The following GYPE variants were observed in gnomAD, a reference collection of about 807,000 sequenced individuals.
GYPE encodes the protein glycophorin-E.
In GYPE, 8 loss-of-function variants were observed where a neutral mutation model predicts 11.6. That is an observed-to-expected ratio of 0.69 (90% CI 0.41 to 1.25). GYPE has a LOEUF of 1.25. Ranked by LOEUF, GYPE falls within the 50% of genes most tolerant of loss-of-function variation. The pLI, the probability that GYPE is intolerant of heterozygous loss-of-function variation, is 0.01. For synonymous variants in GYPE, 28 were observed against 29.6 expected (o/e 0.94, Z 0.18); for missense variants, 90 against 92.8 (o/e 0.97, Z 0.12).
chr4:143,897,496 G>C (rs1744696022), intron 1 of GYPE, among the ~76,000 whole-genome samples: 1 of 152,064 alleles, frequency 6.6e-6, no homozygotes, highest in African/African-American at 2.4e-5. Context: ...TATAAAATAG[G>C]AGAGAATATA....
At chr4:143,878,808 C>T (rs1435770658) in intron 2 of GYPE, 3 of 371,922 alleles carry the variant, frequency 8.1e-6, no homozygotes, top group East Asian at 1.7e-4. Flanking sequence ...CAACTTTCAA[C>T]ATCTAGCTAG....
chr4:143,891,743 A>G (rs1744415494), intron 1 of GYPE, among the ~76,000 whole-genome samples: 1 of 152,174 alleles, frequency 6.6e-6, no homozygotes, highest in Non-Finnish European at 1.5e-5. Flanking sequence ...CTGTATTAGC[A>G]TAACTAGAAT....
At chr4:143,874,197 A>C (rs1349393532) in intron 3 of GYPE, among the ~76,000 whole-genome samples, 3 of 152,156 alleles carry the variant, frequency 2.0e-5, no homozygotes, top group Admixed American at 1.3e-4. Context: ...ACAGAAAATT[A>C]AGAAGCTAGA....
intron 1 of GYPE, 35 bp downstream of exon 1, chr4:143,905,436 A>G: frequency 1.2e-6 from 2 of 1,612,664 alleles, no homozygotes; most frequent in Admixed American, 1.7e-5. Flanking sequence ...CTCATACCCA[A>G]TATAACAGAA....
chr4:143,900,114 G>A (rs1414084547), intron 1 of GYPE, among the ~76,000 whole-genome samples: 1 of 151,582 alleles, frequency 6.6e-6, no homozygotes, highest in African/African-American at 2.4e-5. Flanking sequence ...GACAAAAATA[G>A]ATTTAAAAAT....
intron 2 of GYPE, among the ~76,000 whole-genome samples, chr4:143,879,173 G>C (rs1372242332): frequency 6.6e-6 from 1 of 152,064 alleles, no homozygotes; most frequent in Non-Finnish European, 1.5e-5. Flanking sequence ...TAGTCTCTCT[G>C]GATTCTATGT....
At chr4:143,884,311 AG>A (rs1303526709) in intron 1 of GYPE, among the ~76,000 whole-genome samples, 1 of 45,868 alleles carries the variant, frequency 2.2e-5, no homozygotes, top group African/African-American at 5.5e-5. Context: ...TTAGACTAAA[AG>A]CTCTCTGAAG....
chr4:143,877,670 C>T (rs1468304804), intron 2 of GYPE, among the ~76,000 whole-genome samples: 1 of 152,074 alleles, frequency 6.6e-6, no homozygotes, highest in African/African-American at 2.4e-5. Flanking sequence ...AGCATTTCCT[C>T]TTGCTGGTGT....
chr4:143,877,267 A>C (rs944485863), intron 2 of GYPE, among the ~76,000 whole-genome samples: 1 of 152,214 alleles, frequency 6.6e-6, no homozygotes, highest in Non-Finnish European at 1.5e-5. Context: ...AGCATTGAAC[A>C]GATCATAGAA....
At chr4:143,895,809 A>T (rs1179832796) in intron 1 of GYPE, among the ~76,000 whole-genome samples, 2 of 151,954 alleles carry the variant, frequency 1.3e-5, no homozygotes, top group Non-Finnish European at 2.9e-5. Context: ...CAAAACAGAG[A>T]TATAGATCAA....
rs1438015618 is a variant in GYPE at position 143,871,150 on chromosome 4, A to G, written c.*1112T>C. On this transcript the variant is annotated 3_prime_UTR_variant, in exon 4 of 4. Transcript: ENST00000358615. Reference sequence around the variant, plus strand: ...ATGACATGTGGGGATTATTGGAACTACAATTCAAGATGAGATTTGAGTGGG... The same window carrying G: ...ATGACATGTGGGGATTATTGGAACTGCAATTCAAGATGAGATTTGAGTGGG... The G allele has an allele frequency of 1.3e-5, 2 of 151,548 alleles. No individual in the cohort carries two copies. Among genetic ancestry groups the G allele is most frequent in the East Asian group, 1.9e-4 (1 of 5,146 alleles). 9.4% of individuals were successfully genotyped at this position (151,548 alleles called of 1,614,324 possible).
intron 1 of GYPE, among the ~76,000 whole-genome samples, chr4:143,902,523 CCTGTCTCTTCCTT>C (rs1270347327): frequency 6.6e-6 from 1 of 151,966 alleles, no homozygotes; most frequent in Admixed American, 6.6e-5. Context: ...TCCCCTTCCT[CCTGTCTCTTCCTT>C]TCCCTTCTCT....
intron 1 of GYPE, among the ~76,000 whole-genome samples, chr4:143,893,849 T>C (rs933092931): frequency 1.3e-5 from 2 of 152,136 alleles, no homozygotes; most frequent in African/African-American, 2.4e-5. Flanking sequence ...TGAATCTGAA[T>C]GTTGGCCTGC....
chr4:143,892,568 C>G (rs1022085716), intron 1 of GYPE, among the ~76,000 whole-genome samples: 1 of 151,722 alleles, frequency 6.6e-6, no homozygotes, highest in African/African-American at 2.4e-5. Context: ...TCGTTATGTA[C>G]CCAGTAGTCA....
intron 3 of GYPE, chr4:143,873,357 C>T (rs1244730139): frequency 2.3e-6 from 1 of 437,558 alleles, no homozygotes; most frequent in African/African-American, 2.0e-5. Flanking sequence ...TAATTTTCAC[C>T]TGGTTGGCAA....
At chr4:143,892,286 G>C (rs1578970060) in intron 1 of GYPE, among the ~76,000 whole-genome samples, 2 of 151,848 alleles carry the variant, frequency 1.3e-5, no homozygotes, top group Admixed American at 6.6e-5. Context: ...ATTTTTTGAA[G>C]GGTTTTTTGT....
intron 1 of GYPE, among the ~76,000 whole-genome samples, chr4:143,904,550 T>G (rs1032055858): frequency 6.6e-6 from 1 of 152,164 alleles, no homozygotes; most frequent in Non-Finnish European, 1.5e-5. Context: ...TAGGGTATCT[T>G]AGAAAATGCT....
intron 1 of GYPE, among the ~76,000 whole-genome samples, chr4:143,892,330 G>C (rs922604813): frequency 1.5e-4 from 23 of 151,168 alleles, no homozygotes; most frequent in African/African-American, 5.4e-4. Flanking sequence ...TCTGATTTTA[G>C]TTATTTCTTG....
chr4:143,897,063 C>T (rs559429057), intron 1 of GYPE, among the ~76,000 whole-genome samples: 43 of 152,042 alleles, frequency 2.8e-4, no homozygotes, highest in South Asian at 2.1e-3. Flanking sequence ...TGCTAAATGA[C>T]GAGTTAATGG....
Sources: gnomAD v4.1 joint callset for allele counts (sites outside exome capture counted in the v4.1 genomes callset) on GRCh38, gnomAD v4.1.1 for gene constraint, MANE v1.5 for transcripts, NCBI Gene and HGNC (gene_info 2026-07-23, HGNC 2026-07-21) for gene names.